Variants in RAI1 observed in about 807,000 individuals in gnomAD.
The protein encoded by RAI1 is retinoic acid induced 1, also known as retinoic acid-induced protein 1.
A neutral mutation model predicts 123.8 loss-of-function variants in RAI1; 9 were observed. That is an observed-to-expected ratio of 0.07 (90% CI 0.04 to 0.13). The LOEUF (loss-of-function observed/expected upper bound fraction) is 0.13. Ranked by LOEUF, RAI1 falls within the 10% of genes least tolerant of loss-of-function variation. The pLI is 1.00. For synonymous variants in RAI1, 1,231 were observed against 1,127.3 expected (o/e 1.09, Z -1.84); for missense variants, 2,256 against 2,545.8 (o/e 0.89, Z 2.45).
chr17:17,768,027 G>T (rs1267881398), intron 2 of RAI1, among the ~76,000 whole-genome samples: 1 of 152,232 alleles, frequency 6.6e-6, no homozygotes, highest in Non-Finnish European at 1.5e-5. Context: ...TTGGCTTAAT[G>T]TAAGTGGAAC....
intron 2 of RAI1, chr17:17,779,241 C>A: frequency 3.1e-6 from 1 of 319,884 alleles, no homozygotes; most frequent in Non-Finnish European, 6.1e-6. Context: ...GCTGGCTCTC[C>A]CCGAAGGTCG....
Position 17,707,345 on chromosome 17 carries a change from G to A in RAI1, c.-148-16683G>A, listed in dbSNP as rs117479130. Among the ~76,000 whole-genome samples, 840 of 152,256 alleles carry A rather than the reference G, an allele frequency of 5.5e-3. 4 individuals are homozygous for A. The highest frequency in any genetic ancestry group is 0.013 in the African/African-American group (531 of 41,548). ...GAGAAAAAAAAGTAGGTGGGGAAGG[G>A]GCTCAGGGATGGGGGAGATGCGTGC... On this transcript the variant is annotated intron_variant, in intron 1 of 5. Transcript: ENST00000353383.
At position 17,730,723 on chromosome 17, in the gene RAI1, G is replaced by A. The variant is rs74637342; in HGVS notation, c.-17+6564G>A. On this transcript the variant is annotated intron_variant, in intron 2 of 5. Transcript: ENST00000353383. ...AGCTCCCCTGCCCAAGTCTAGGCCAGTGAGGCCCTGCCAGGGCTGAGGTGT... is the reference window on the plus strand; with the variant it reads ...AGCTCCCCTGCCCAAGTCTAGGCCAATGAGGCCCTGCCAGGGCTGAGGTGT... Among the ~76,000 whole-genome samples, 53 of 152,372 alleles carry A rather than the reference G, an allele frequency of 3.5e-4. No individual in the cohort carries two copies. In the East Asian group the frequency reaches 9.4e-3, roughly 27 times the overall value.
Position 17,798,306 on chromosome 17 carries a change from T to C in RAI1, c.5358T>C (p.Cys1786=), listed in dbSNP as rs1300269870. The C allele has an allele frequency of 6.3e-7, 1 of 1,596,422 alleles. No individual in the cohort carries two copies. Among genetic ancestry groups the C allele is most frequent in the East Asian group, 2.3e-5 (1 of 44,220 alleles). The change falls in exon 3 of 6, where the codon TGT becomes TGC. Residue 1786 remains cysteine (C), a synonymous_variant. Transcript: ENST00000353383. ...GGAGGCTGCAGAGCTGCTACTGCTG[T>C]GATGGCCGGGAGGATGGGGGCGAGG... is the stretch of plus-strand genomic sequence containing the variant. ...LSRRLQSCYC[C]DGREDGGEEA... is the part of the protein sequence containing the mutation.
intron 1 of RAI1, among the ~76,000 whole-genome samples, chr17:17,700,320 C>T (rs11868582): frequency 1.2e-4 from 19 of 152,198 alleles, no homozygotes; most frequent in African/African-American, 4.6e-4. Flanking sequence ...CGGCCCGCCT[C>T]CTGTCGCCCG....
chr17:17,807,570 C>T (rs1167017608), intron 4 of RAI1, among the ~76,000 whole-genome samples: 1 of 152,240 alleles, frequency 6.6e-6, no homozygotes, highest in Non-Finnish European at 1.5e-5. Context: ...AGTGAGTGCC[C>T]AGGTTCCCCA....
intron 1 of RAI1, among the ~76,000 whole-genome samples, chr17:17,690,522 C>CCTA (rs1914801216): frequency 6.6e-6 from 1 of 152,162 alleles, no homozygotes; most frequent in Non-Finnish European, 1.5e-5. Flanking sequence ...CCTCAAGCTC[C>CCTA]CTAAGCCCGT....
intron 2 of RAI1, among the ~76,000 whole-genome samples, chr17:17,742,427 A>ATGAATGAATGAATGAACGAG (rs1179768676): frequency 6.6e-6 from 1 of 152,228 alleles, no homozygotes; most frequent in Non-Finnish European, 1.5e-5. Flanking sequence ...GAATGAATGA[A>ATGAATGAATGAATGAACGAG]TGAATGAATG....
At chr17:17,735,352 C>CA (rs1425388344) in intron 2 of RAI1, among the ~76,000 whole-genome samples, 6 of 148,086 alleles carry the variant, frequency 4.1e-5, no homozygotes, top group African/African-American at 1.5e-4. Flanking sequence ...CAATGCCCAG[C>CA]CTTTTTTTTT....
intron 1 of RAI1, among the ~76,000 whole-genome samples, chr17:17,716,932 C>T (rs1044207826): frequency 6.6e-6 from 1 of 152,192 alleles, no homozygotes; most frequent in African/African-American, 2.4e-5. Flanking sequence ...CCACGGGATG[C>T]CCACCACTGG....
chr17:17,687,813 TG>T (rs1914689854), intron 1 of RAI1, among the ~76,000 whole-genome samples: 2 of 152,042 alleles, frequency 1.3e-5, no homozygotes, highest in East Asian at 3.9e-4. Flanking sequence ...GCGGATCACT[TG>T]AGGTCAGGAG....
intron 2 of RAI1, among the ~76,000 whole-genome samples, chr17:17,753,717 G>A (rs533972947): frequency 2.0e-5 from 3 of 152,276 alleles, no homozygotes; most frequent in South Asian, 2.1e-4. Context: ...CCTGTGTGTG[G>A]TTTTGATACT....
rs768678117 is a variant in RAI1 at position 17,799,497 on chromosome 17, C to T, written c.5565+984C>T. On this transcript the variant is annotated intron_variant, in intron 3 of 5. Coordinates refer to ENST00000353383, the MANE Select transcript of RAI1 (RefSeq NM_030665.4). This position sits in a 1 kb window ranked among gnomAD's most constrained non-coding sequence, Gnocchi z 4.5. The stretch of plus-strand genomic sequence containing the variant: ...ATGCTTCTGCCCCCACATTCAACCC[C>T]GACTCCACTGCCTCATCCAGACTTC... 1.3e-5 allele frequency among the ~76,000 whole-genome samples: 2 copies of T among 152,150 alleles called. No homozygotes were observed. The highest frequency in any genetic ancestry group is 6.5e-5 in the Admixed American group (1 of 15,290).
rs1285880844 is a variant in RAI1, at chr17:17,796,199, T to G, written c.3251T>G (p.Leu1084Arg). ...ACCACCCCTGCACCCCCAGACAAAC[T>G]GGGGGGCAAGCAGCGAGCCGCCTTC... ...LTTTPAPPDK[L>R]GGKQRAAFKS... Residue 1084 changes from leucine (L) to arginine (R), a missense_variant, in exon 3 of 6, where the codon CTG (leucine) becomes CGG (arginine). By Grantham distance (102) the Leu-to-Arg change is moderately radical. Around this residue, in one of 7 missense-constraint regions of RAI1, gnomAD observed 566 missense variants for 616.0 expected, o/e 0.92. Transcript: ENST00000353383. The surrounding 1 kb of genome is among the most constrained non-coding windows in gnomAD (Gnocchi z 5.8). 4 of 1,553,140 alleles carry G rather than the reference T, an allele frequency of 2.6e-6. No homozygotes were observed. The highest frequency in any genetic ancestry group is 1.2e-5 in the South Asian group (1 of 83,042).
At chr17:17,720,629 A>G (rs568277941) in intron 1 of RAI1, among the ~76,000 whole-genome samples, 40 of 152,332 alleles carry the variant, frequency 2.6e-4, no homozygotes, top group African/African-American at 8.9e-4. Flanking sequence ...CACGCCATGC[A>G]CTGTGCTTGG....
At chr17:17,805,814 A>G (rs577966333) in intron 4 of RAI1, among the ~76,000 whole-genome samples, 1 of 152,270 alleles carries the variant, frequency 6.6e-6, no homozygotes, top group African/African-American at 2.4e-5. Context: ...TTGCCCAGGC[A>G]TGTGGCCGCA....
intron 2 of RAI1, among the ~76,000 whole-genome samples, chr17:17,774,492 C>T (rs1293121975): frequency 6.6e-6 from 1 of 152,270 alleles, no homozygotes; most frequent in South Asian, 2.1e-4. Context: ...CCCAACATGC[C>T]AGCCAGGGAA....
At chr17:17,706,876 C>G (rs1293588419) in intron 1 of RAI1, among the ~76,000 whole-genome samples, 3 of 152,226 alleles carry the variant, frequency 2.0e-5, no homozygotes, top group Non-Finnish European at 4.4e-5. Context: ...TCTTGTGTAA[C>G]AGGAATGTTT....
intron 1 of RAI1, among the ~76,000 whole-genome samples, chr17:17,710,136 G>A (rs745629924): frequency 3.9e-5 from 6 of 152,222 alleles, no homozygotes; most frequent in Non-Finnish European, 7.3e-5. Flanking sequence ...ACCTGGTCAC[G>A]TGCACTTTCA....
Sources: allele counts gnomAD v4.1 joint callset (sites outside exome capture counted in the v4.1 genomes callset), GRCh38; gene constraint gnomAD v4.1.1; regional missense constraint gnomAD v4.1.1; non-coding constraint Gnocchi (gnomAD v3.1); transcripts MANE v1.5; gene names NCBI Gene and HGNC (gene_info 2026-07-23, HGNC 2026-07-21).